Variants in SRSF11 observed in about 807,000 individuals in gnomAD.
SRSF11 encodes the protein serine/arginine-rich splicing factor 11.
SRSF11 carries 9 observed loss-of-function variants against 56.0 expected under a neutral mutation model. That is an observed-to-expected ratio of 0.16 (90% CI 0.10 to 0.28). The LOEUF (loss-of-function observed/expected upper bound fraction) is 0.28. Ranked by LOEUF, SRSF11 falls within the 10% of genes least tolerant of loss-of-function variation. The probability of loss-of-function intolerance (pLI) is 1.00; values close to 1 mark genes in which losing one functional copy is unlikely to be tolerated. For missense variants in SRSF11, 421 were observed against 600.7 expected (o/e 0.70, Z 3.13); for synonymous variants, 222 against 215.3 (o/e 1.03, Z -0.27).
chr1:70,250,455 T>A lies in SRSF11; in HGVS notation c.1209T>A (p.Asp403Glu). 6.3e-7 allele frequency: 1 copy of A among 1,596,254 alleles called. No individual in the cohort carries two copies. Among genetic ancestry groups the A allele is most frequent in the Non-Finnish European group, 8.6e-7 (1 of 1,163,926 alleles). ...RSTSKKKKSKDKEKDRERKSE... is the reference protein window; with the variant it reads ...RSTSKKKKSKEKEKDRERKSE... ...CAAGCAAGAAGAAGAAGAGTAAAGA[T>A]AAGGAAAAGGACCGGGAAAGAAAAT... The change falls in exon 11 of 12, where the codon GAT becomes GAA. Residue 403 changes from aspartate to glutamate, a missense_variant. By Grantham distance (45) the Asp-to-Glu change is conservative (BLOSUM62 2). Coordinates refer to ENST00000370949, the MANE Select transcript of SRSF11 (RefSeq NM_001350605.2).
At chr1:70,242,391 G>A (rs557149234) in intron 7 of SRSF11, among the ~76,000 whole-genome samples, 8 of 151,462 alleles carry the variant, frequency 5.3e-5, no homozygotes, top group African/African-American at 1.5e-4. Context: ...CCCCCACCAG[G>A]CTCAAGCCAT....
At chr1:70,235,984 C>T (rs949521936) in intron 5 of SRSF11, among the ~76,000 whole-genome samples, 2 of 152,212 alleles carry the variant, frequency 1.3e-5, no homozygotes, top group Non-Finnish European at 2.9e-5. Flanking sequence ...AAATTGTTTC[C>T]GACTTGATGA....
chr1:70,214,435 C>T (rs1471793075), intron 1 of SRSF11, among the ~76,000 whole-genome samples: 4 of 152,112 alleles, frequency 2.6e-5, no homozygotes, highest in Non-Finnish European at 5.9e-5. Flanking sequence ...ACGATGCAAG[C>T]ACCAGAATCT....
intron 5 of SRSF11, among the ~76,000 whole-genome samples, chr1:70,236,492 G>A (rs748701300): frequency 2.6e-5 from 4 of 151,690 alleles, no homozygotes; most frequent in African/African-American, 4.8e-5. Flanking sequence ...CACCACATCC[G>A]GCTAATTTTT....
At position 70,251,116 on chromosome 1, in the gene SRSF11, T is replaced by C. The variant is rs1439284838; in HGVS notation, c.*311T>C. ...GCAGGCATGGATTGTTTATGTCGTA[T>C]GATATCCTTTATTAAGTAAGTTCAC... On this transcript the variant is annotated 3_prime_UTR_variant, in exon 12 of 12. Transcript: ENST00000370949. 8.0e-6 allele frequency: 2 copies of C among 250,134 alleles called. No homozygotes were observed. The highest frequency in any genetic ancestry group is 2.2e-5 in the African/African-American group (1 of 45,270). 15.5% of individuals were successfully genotyped at this position (250,134 alleles called of 1,614,324 possible).
chr1:70,208,624 C>T (rs1669274741), intron 1 of SRSF11, among the ~76,000 whole-genome samples: 1 of 149,146 alleles, frequency 6.7e-6, no homozygotes, highest in African/African-American at 2.5e-5. Flanking sequence ...AGGTGTGAGC[C>T]ACCGCACCCA....
chr1:70,214,739 C>T (rs889516336), intron 1 of SRSF11, among the ~76,000 whole-genome samples: 3 of 152,022 alleles, frequency 2.0e-5, no homozygotes, highest in Admixed American at 2.0e-4. Flanking sequence ...ATCCTCTCCC[C>T]TTCATTTAGG....
chr1:70,243,156 A>T (rs143174472), intron 7 of SRSF11, among the ~76,000 whole-genome samples: 5 of 152,018 alleles, frequency 3.3e-5, no homozygotes, highest in Non-Finnish European at 4.4e-5. Flanking sequence ...GGAAAGAAGG[A>T]CATCAATATT....
chr1:70,252,294 A>G lies in SRSF11; in HGVS notation c.*1489A>G, dbSNP rs1678069768. ...GTATAAACAAATCCCACCTATATCT[A>G]GCAAATTTATATTTTCGGTGAAATA... On this transcript the variant is annotated 3_prime_UTR_variant, in exon 12 of 12. Coordinates refer to ENST00000370949, the MANE Select transcript of SRSF11 (RefSeq NM_001350605.2). 6.6e-6 allele frequency: 1 copy of G among 152,122 alleles called. No individual in the cohort carries two copies. The highest frequency in any genetic ancestry group is 1.5e-5 in the Non-Finnish European group (1 of 67,984). The allele number at this position is 152,122 out of a possible 1,614,324, so 9.4% of individuals were successfully genotyped here.
chr1:70,244,509 TTTC>T (rs1676291743), intron 7 of SRSF11, among the ~76,000 whole-genome samples, 172 bp from the exon 8 acceptor site: 1 of 151,214 alleles, frequency 6.6e-6, no homozygotes, highest in Admixed American at 6.6e-5. Context: ...GTATTACTAA[TTTC>T]TAAGGTGTTG....
chr1:70,213,822 A>G (rs922778079), intron 1 of SRSF11, among the ~76,000 whole-genome samples: 3 of 152,134 alleles, frequency 2.0e-5, no homozygotes, highest in Non-Finnish European at 2.9e-5. Flanking sequence ...AGTTCACACA[A>G]TTATCTTAAT....
At chr1:70,220,390 T>C (rs1396354983), upstream of SRSF11, among the ~76,000 whole-genome samples, 1 of 152,150 alleles carries the variant, frequency 6.6e-6, no homozygotes, top group East Asian at 1.9e-4. Flanking sequence ...TCAGATGAGG[T>C]TGAAAACAAA....
At chr1:70,227,460 G>A (rs564107117) in intron 1 of SRSF11, among the ~76,000 whole-genome samples, 5 of 152,298 alleles carry the variant, frequency 3.3e-5, no homozygotes, top group African/African-American at 9.6e-5. Flanking sequence ...TTTAATTCAT[G>A]TGAAGAGTGT....
intron 1 of SRSF11, among the ~76,000 whole-genome samples, chr1:70,212,242 A>G (rs1669621867): frequency 6.6e-6 from 1 of 152,186 alleles, no homozygotes; most frequent in Non-Finnish European, 1.5e-5. Flanking sequence ...ACTTTTAATT[A>G]ATTAATTAAT....
At position 70,221,454 on chromosome 1, in the gene SRSF11, T is replaced by C; in HGVS notation, c.-183T>C. The C allele has an allele frequency of 4.5e-6, 3 of 660,016 alleles. No individual in the cohort carries two copies. The highest frequency in any genetic ancestry group is 7.1e-6 in the Non-Finnish European group (3 of 424,804). 40.9% of individuals were successfully genotyped at this position (660,016 alleles called of 1,614,324 possible). The stretch of plus-strand genomic sequence containing the variant: ...CTCGAGCTCGCGCGCTCTCATCCCC[T>C]CCCCCGCGGCGTGCGGCGGGGCGGA... On this transcript the variant is annotated 5_prime_UTR_variant, in exon 1 of 12. Transcript: ENST00000370949.
At chr1:70,231,474 G>A (rs951787913) in intron 2 of SRSF11, 18 of 1,055,806 alleles carry the variant, frequency 1.7e-5, no homozygotes, top group Non-Finnish European at 2.1e-5. Flanking sequence ...AAGGAGTTTG[G>A]CTAAGTTAGC....
chr1:70,244,826 G>C lies in SRSF11; in HGVS notation c.932+11G>C. 6.2e-7 allele frequency: 1 copy of C among 1,613,392 alleles called. No individual in the cohort carries two copies. Among genetic ancestry groups the C allele is most frequent in the Non-Finnish European group, 8.5e-7 (1 of 1,179,582 alleles). On this transcript the variant is annotated intron_variant, in intron 8 of 11. Transcript: ENST00000370949. ...CACATCAAAAACAAGGTATAGCATT[G>C]GGTGAGAAAGCAAATTTTAGGGTTC...
chr1:70,249,894 C>T, intron 9 of SRSF11, 58 bp from the exon 10 acceptor site: 1 of 1,538,446 alleles, frequency 6.5e-7, no homozygotes, highest in Non-Finnish European at 9.0e-7. Flanking sequence ...TATGATGTGT[C>T]TGCATTTTTA....
At chr1:70,241,820 A>G (rs1441078193) in intron 7 of SRSF11, among the ~76,000 whole-genome samples, 2 of 152,192 alleles carry the variant, frequency 1.3e-5, no homozygotes, top group African/African-American at 4.8e-5. Flanking sequence ...GCAATAGGAT[A>G]TACCTCATGA....
Sources: allele counts gnomAD v4.1 joint callset (sites outside exome capture counted in the v4.1 genomes callset), GRCh38; gene constraint gnomAD v4.1.1; transcripts MANE v1.5; gene names NCBI Gene and HGNC (gene_info 2026-07-23, HGNC 2026-07-21).